LRBA: variants seen among roughly 807,000 people sequenced by gnomAD.
The protein encoded by LRBA is lipopolysaccharide-responsive and beige-like anchor protein.
In LRBA, 176 loss-of-function variants were observed where a neutral mutation model predicts 330.0. The observed-to-expected ratio is 0.53, with a 90% CI of 0.47 to 0.60. LRBA has a LOEUF of 0.60. Ranked by LOEUF, LRBA falls within the 20% of genes least tolerant of loss-of-function variation. The probability of loss-of-function intolerance (pLI) is 0.00; values close to 1 mark genes in which losing one functional copy is unlikely to be tolerated. For synonymous variants in LRBA, 1,230 were observed against 1,193.0 expected (o/e 1.03, Z -0.64); for missense variants, 3,259 against 3,444.8 (o/e 0.95, Z 1.35).
At chr4:150,301,406 T>C (rs1729656992) in intron 53 of LRBA, among the ~76,000 whole-genome samples, 1 of 152,122 alleles carries the variant, frequency 6.6e-6, no homozygotes, top group East Asian at 1.9e-4. Context: ...ACATTATTTT[T>C]CATATCCTAT....
intron 47 of LRBA, among the ~76,000 whole-genome samples, chr4:150,390,092 C>T (rs945534253): frequency 4.6e-5 from 7 of 152,016 alleles, no homozygotes; most frequent in African/African-American, 1.7e-4. Context: ...CTTTAGCTTA[C>T]ATCATTAGTG....
At chr4:150,490,337 C>T (rs1285842605) in intron 41 of LRBA, among the ~76,000 whole-genome samples, 1 of 151,684 alleles carries the variant, frequency 6.6e-6, no homozygotes, top group African/African-American at 2.4e-5. Context: ...CCACCCATAC[C>T]AAATGATGCT....
In LRBA at chr4:150,867,697, C is replaced by A; in HGVS notation, c.2740G>T (p.Asp914Tyr). The change falls in exon 22 of 57, where the codon GAC (aspartate) becomes TAC (tyrosine). Residue 914 changes from aspartate to tyrosine, a missense_variant. Physicochemically the swap from Asp to Tyr is radical, Grantham distance 160. Transcript: ENST00000651943. ...YEWGGWRVWV[D>Y]TLSITHSKVT... ...TTTGAATGAGTGATTGATAAAGTGT[C>A]TACCCATACACGCCAGCCACCCCAC... is the stretch of plus-strand genomic sequence containing the variant. 1.9e-6 allele frequency: 3 copies of A among 1,612,580 alleles called. No homozygotes were observed. Among genetic ancestry groups the A allele is most frequent in the Non-Finnish European group, 1.7e-6 (2 of 1,179,420 alleles).
chr4:150,746,175 G>A (rs2126337412), intron 35 of LRBA, among the ~76,000 whole-genome samples: 1 of 152,154 alleles, frequency 6.6e-6, no homozygotes, highest in East Asian at 1.9e-4. Context: ...ATATACAAAT[G>A]TACATGTTCA....
At chr4:150,832,470 C>T (rs1747348688) in intron 28 of LRBA, among the ~76,000 whole-genome samples, 2 of 152,066 alleles carry the variant, frequency 1.3e-5, no homozygotes, top group African/African-American at 2.4e-5. Flanking sequence ...GTGGCACATG[C>T]CTGTAATCCC....
intron 54 of LRBA, among the ~76,000 whole-genome samples, chr4:150,284,847 A>G (rs577884905): frequency 1.3e-5 from 2 of 152,314 alleles, no homozygotes; most frequent in Non-Finnish European, 2.9e-5. Flanking sequence ...TTTAAAGACC[A>G]TGGAACAATT....
intron 44 of LRBA, among the ~76,000 whole-genome samples, chr4:150,455,647 T>C (rs769134767): frequency 3.3e-5 from 5 of 152,170 alleles, no homozygotes; most frequent in Admixed American, 6.6e-5. Flanking sequence ...CCTTCAAGCA[T>C]TTATCCCTTG....
At chr4:150,508,921 T>C (rs891716022) in intron 40 of LRBA, among the ~76,000 whole-genome samples, 4 of 152,222 alleles carry the variant, frequency 2.6e-5, no homozygotes, top group Admixed American at 2.0e-4. Flanking sequence ...GAAAAGCATA[T>C]TTTGGGCTAA....
intron 37 of LRBA, among the ~76,000 whole-genome samples, chr4:150,604,005 G>T (rs1035712143): frequency 5.3e-5 from 8 of 152,040 alleles, no homozygotes; most frequent in African/African-American, 1.9e-4. Context: ...TTTGGAAGAG[G>T]CAGAAGTATT....
intron 32 of LRBA, 83 bp downstream of exon 32, chr4:150,808,237 G>A: frequency 4.8e-6 from 4 of 839,692 alleles, no homozygotes; most frequent in South Asian, 1.6e-5. Flanking sequence ...GAAATGAAAT[G>A]AAACGAAGTA....
At chr4:150,783,542 C>A (rs898425736) in intron 34 of LRBA, among the ~76,000 whole-genome samples, 8 of 152,186 alleles carry the variant, frequency 5.3e-5, no homozygotes, top group Admixed American at 2.0e-4. Context: ...ACTGATGTTT[C>A]AATTAAATGC....
chr4:150,768,082 A>T (rs1031659382), intron 34 of LRBA, among the ~76,000 whole-genome samples: 1 of 58,426 alleles, frequency 1.7e-5, no homozygotes, highest in African/African-American at 3.8e-5. Context: ...AAAAAAAAAA[A>T]AGTTTTTTTT....
chr4:150,516,117 T>C (rs1762308742), intron 40 of LRBA, among the ~76,000 whole-genome samples: 2 of 151,262 alleles, frequency 1.3e-5, no homozygotes, highest in Admixed American at 1.3e-4. Flanking sequence ...CAAAGACTAG[T>C]AAGGAGTATT....
At chr4:150,318,938 C>G (rs1214881876) in intron 50 of LRBA, among the ~76,000 whole-genome samples, 1 of 152,092 alleles carries the variant, frequency 6.6e-6, no homozygotes, top group African/African-American at 2.4e-5. Flanking sequence ...GGTACTCCAG[C>G]AGTGAGACTC....
intron 53 of LRBA, among the ~76,000 whole-genome samples, chr4:150,296,640 A>T (rs1729008540): frequency 2.0e-5 from 3 of 152,210 alleles, no homozygotes; most frequent in African/African-American, 7.2e-5. Flanking sequence ...GGTAACTAGA[A>T]AAAATAGGGT....
chr4:150,903,078 T>A (rs770719393), intron 13 of LRBA, among the ~76,000 whole-genome samples: 2 of 152,108 alleles, frequency 1.3e-5, no homozygotes, highest in Non-Finnish European at 2.9e-5. Context: ...ATTATAAGAG[T>A]CATATGTTAG....
At chr4:150,958,037 A>G (rs577255005) in intron 2 of LRBA, among the ~76,000 whole-genome samples, 1 of 149,094 alleles carries the variant, frequency 6.7e-6, no homozygotes, top group South Asian at 2.1e-4. Flanking sequence ...TGGATCTACC[A>G]TTCTGGGGTC....
intron 37 of LRBA, among the ~76,000 whole-genome samples, chr4:150,635,359 C>T (rs1777789495): frequency 6.6e-6 from 1 of 152,184 alleles, no homozygotes; most frequent in Non-Finnish European, 1.5e-5. Flanking sequence ...TTTTGCTTAC[C>T]CAAATATATG....
intron 39 of LRBA, 102 bp downstream of exon 39, chr4:150,590,611 G>T: frequency 1.1e-6 from 1 of 931,890 alleles, no homozygotes; most frequent in Non-Finnish European, 1.7e-6. Context: ...GTAATTGTGG[G>T]TATAAACTTG....
Sources: gnomAD v4.1 joint callset for allele counts (sites outside exome capture counted in the v4.1 genomes callset) on GRCh38, gnomAD v4.1.1 for gene constraint, MANE v1.5 for transcripts, NCBI Gene and HGNC (gene_info 2026-07-23, HGNC 2026-07-21) for gene names.